Variants in KIAA1217 observed in about 807,000 individuals in gnomAD.
KIAA1217 encodes the protein sickle tail protein homolog.
Under a neutral mutation model 163.9 loss-of-function variants are expected in KIAA1217, and 88 were observed. The observed-to-expected ratio is 0.54, with a 90% CI of 0.45 to 0.64. The LOEUF (loss-of-function observed/expected upper bound fraction) is 0.64, where lower values mean the gene tolerates loss of function less well. Among genes scored for constraint, KIAA1217 ranks in the 30% least tolerant of loss-of-function variants. KIAA1217 has a pLI of 0.00. For synonymous variants in KIAA1217, 903 were observed against 923.1 expected (o/e 0.98, Z 0.39); for missense variants, 2,372 against 2,475.0 (o/e 0.96, Z 0.88).
chr10:23,765,420 G>A lies in KIAA1217; in HGVS notation c.-321+70186G>A, dbSNP rs145896550. 4.7e-3 allele frequency among the ~76,000 whole-genome samples: 719 copies of A among 151,898 alleles called. 6 individuals are homozygous for A. The highest frequency in any genetic ancestry group is 0.016 in the African/African-American group (662 of 41,440). ...AATCTCCTGACCTCGTGATCCACCC[G>A]CCTCGGCCTCCCAAAGTGCTGGGAT... On this transcript the variant is annotated intron_variant, in intron 1 of 18. Coordinates refer to the KIAA1217 transcript ENST00000376462.
intron 3 of KIAA1217, among the ~76,000 whole-genome samples, chr10:24,422,901 CTTTTTTTT>C (rs58161228): frequency 5.8e-5 from 7 of 120,606 alleles, no homozygotes; most frequent in Admixed American, 8.9e-5. Flanking sequence ...ATAGATTTAA[CTTTTTTTT>C]TTTTTTTTTT....
chr10:23,857,370 G>A (rs759557072), intron 1 of KIAA1217, among the ~76,000 whole-genome samples: 11 of 152,162 alleles, frequency 7.2e-5, no homozygotes, highest in Non-Finnish European at 1.3e-4. Context: ...AGGACAGGAC[G>A]AAATAGGAGA....
At chr10:23,934,589 A>G (rs866180231) in intron 1 of KIAA1217, among the ~76,000 whole-genome samples, 5,179 of 55,768 alleles carry the variant, frequency 0.093, 519 homozygotes, top group African/African-American at 0.14. Context: ...ATATATATAT[A>G]TGTATATATA....
At chr10:24,304,156 T>A (rs1206994121) in intron 2 of KIAA1217, among the ~76,000 whole-genome samples, 5 of 145,608 alleles carry the variant, frequency 3.4e-5, no homozygotes, top group Non-Finnish European at 7.5e-5. Context: ...CATGGAAAAG[T>A]GTTTCAGTTT....
intron 1 of KIAA1217, among the ~76,000 whole-genome samples, chr10:23,870,756 C>G (rs561790227): frequency 3.3e-4 from 50 of 152,248 alleles, no homozygotes; most frequent in African/African-American, 1.2e-3. Flanking sequence ...GAGATTCACC[C>G]TTAGGCAGTC....
chr10:23,783,086 G>T (rs1325790564), intron 1 of KIAA1217, among the ~76,000 whole-genome samples: 1 of 152,180 alleles, frequency 6.6e-6, no homozygotes, highest in Non-Finnish European at 1.5e-5. Context: ...CATCTGTTTA[G>T]ATCAGGGTTT....
chr10:24,433,687 C>T (rs988501553), intron 4 of KIAA1217, among the ~76,000 whole-genome samples: 1 of 152,128 alleles, frequency 6.6e-6, no homozygotes, highest in Admixed American at 6.6e-5. Context: ...TTGGAACTTT[C>T]CCAATTCCCC....
At chr10:24,251,683 A>G (rs2074560097) in intron 2 of KIAA1217, among the ~76,000 whole-genome samples, 1 of 152,028 alleles carries the variant, frequency 6.6e-6, no homozygotes. Context: ...CCTGTTGTAA[A>G]TAGGGACCCT....
At position 24,495,184 on chromosome 10, in the gene KIAA1217, A is replaced by G. The variant is rs2066637391; in HGVS notation, c.1822A>G (p.Thr608Ala). 6.2e-7 allele frequency: 1 copy of G among 1,613,356 alleles called. No homozygotes were observed. Among genetic ancestry groups the G allele is most frequent in the East Asian group, 2.2e-5 (1 of 44,866 alleles). ...MMKTTANRNHTDSAGTPHVSG... is the reference protein window; with the variant it reads ...MMKTTANRNHADSAGTPHVSG... ...GAAAACCACAGCCAACAGGAACCACACAGATAGTGCAGGTAAGTAAGTGTT... is the reference window on the plus strand; with the variant it reads ...GAAAACCACAGCCAACAGGAACCACGCAGATAGTGCAGGTAAGTAAGTGTT... The change falls in exon 8 of 21, where the codon ACA (threonine) becomes GCA (alanine). Residue 608 changes from threonine to alanine, a missense_variant. By Grantham distance (58) the Thr-to-Ala change is moderately conservative. This residue lies in a region of KIAA1217 where 1,431 missense variants were observed against 1,470.3 expected (regional missense o/e 0.97). Coordinates refer to ENST00000376454, the MANE Select transcript of KIAA1217 (RefSeq NM_019590.5).
chr10:23,740,506 G>A (rs548886351), intron 1 of KIAA1217, among the ~76,000 whole-genome samples: 45 of 152,148 alleles, frequency 3.0e-4, no homozygotes, highest in Non-Finnish European at 5.4e-4. Context: ...CTACAGATGC[G>A]CACCACCACA....
intron 5 of KIAA1217, among the ~76,000 whole-genome samples, chr10:24,444,328 A>G (rs892423036): frequency 6.6e-6 from 1 of 152,182 alleles, no homozygotes; most frequent in Non-Finnish European, 1.5e-5. Context: ...AAAATCTTTT[A>G]CAAAATAATA....
chr10:23,994,680 G>T (rs927760462), intron 1 of KIAA1217, among the ~76,000 whole-genome samples: 1 of 152,176 alleles, frequency 6.6e-6, no homozygotes, highest in Non-Finnish European at 1.5e-5. Context: ...GAAGCTGTGT[G>T]CACAAACCAT....
intron 2 of KIAA1217, among the ~76,000 whole-genome samples, chr10:24,366,147 A>T (rs2050751390): frequency 6.6e-6 from 1 of 152,154 alleles, no homozygotes; most frequent in South Asian, 2.1e-4. Flanking sequence ...TTAAAAAGTT[A>T]AGTTGCTCAA....
chr10:23,747,907 G>C (rs924580450), intron 1 of KIAA1217, among the ~76,000 whole-genome samples: 5 of 152,282 alleles, frequency 3.3e-5, no homozygotes, highest in South Asian at 4.1e-4. Context: ...TTTGCAATGA[G>C]AGCCAGTTTC....
At chr10:24,149,629 T>G (rs988459926) in intron 2 of KIAA1217, among the ~76,000 whole-genome samples, 1 of 151,852 alleles carries the variant, frequency 6.6e-6, no homozygotes, top group Non-Finnish European at 1.5e-5. Context: ...GGGAGAAGGA[T>G]GAAGGGAAGT....
chr10:24,396,655 G>C (rs1399242344), intron 3 of KIAA1217, among the ~76,000 whole-genome samples: 1 of 152,174 alleles, frequency 6.6e-6, no homozygotes, highest in Non-Finnish European at 1.5e-5. Context: ...ATATCTGGGG[G>C]AAGAGAGTTC....
chr10:24,436,822 C>G (rs2060084368), intron 4 of KIAA1217, among the ~76,000 whole-genome samples: 1 of 143,210 alleles, frequency 7.0e-6, no homozygotes, highest in Non-Finnish European at 1.5e-5. Flanking sequence ...CAACTGGAGA[C>G]AGTGACTTTA....
chr10:23,849,129 A>T lies in KIAA1217; in HGVS notation c.-321+153895A>T, dbSNP rs568703862. 7.9e-4 allele frequency among the ~76,000 whole-genome samples: 121 copies of T among 152,240 alleles called. 1 individual carries two copies. The highest frequency in any genetic ancestry group is 2.8e-3 in the African/African-American group (116 of 41,568). On this transcript the variant is annotated intron_variant, in intron 1 of 18. Transcript: ENST00000376462. ...GTTGTTGATACAATTCTTCATAATT[A>T]GCTTGCATTAAGTGTTGGTAGAACA...
intron 17 of KIAA1217, among the ~76,000 whole-genome samples, chr10:24,541,633 C>T (rs954100605): frequency 9.9e-5 from 15 of 152,104 alleles, no homozygotes; most frequent in Admixed American, 3.9e-4. Flanking sequence ...GCCTTGGAAC[C>T]GACAAGGCAT....
Sources: allele counts gnomAD v4.1 joint callset (sites outside exome capture counted in the v4.1 genomes callset), GRCh38; gene constraint gnomAD v4.1.1; regional missense constraint gnomAD v4.1.1; transcripts MANE v1.5; gene names NCBI Gene and HGNC (gene_info 2026-07-23, HGNC 2026-07-21).